TEDC2: variants seen among roughly 807,000 people sequenced by gnomAD.
TEDC2 encodes tubulin epsilon and delta complex protein 2.
A neutral mutation model predicts 48.1 loss-of-function variants in TEDC2; 49 were observed. The ratio of observed to expected loss-of-function variants is 1.02; its 90% CI spans 0.81 to 1.29. The LOEUF is 1.29. Among genes scored for constraint, TEDC2 ranks in the 50% most tolerant of loss-of-function variants. The pLI is 0.00. For synonymous variants in TEDC2, 299 were observed against 247.1 expected, an observed-to-expected ratio of 1.21 and a Z score of -1.97; for missense variants, 631 against 571.4, an observed-to-expected ratio of 1.10 and a Z score of -1.06.
chr16:2,461,825 C>G (rs754117078), intron 5 of TEDC2, 25 bp downstream of exon 5: 1 of 1,613,202 alleles, frequency 6.2e-7, no homozygotes, highest in South Asian at 1.1e-5. Flanking sequence ...TTTGGCTGGA[C>G]GGGGGTAGGG....
chr16:2,461,557 T>A (rs1254903201), intron 4 of TEDC2, 190 bp from the exon 5 acceptor site: 2 of 679,854 alleles, frequency 2.9e-6, no homozygotes, highest in Non-Finnish European at 4.9e-6. Context: ...TTCTCTCTAA[T>A]GGGGCAGCAC....
chr16:2,462,319 G>A (rs2065471793), intron 6 of TEDC2, 80 bp downstream of exon 6: 3 of 1,601,996 alleles, frequency 1.9e-6, no homozygotes, highest in East Asian at 2.2e-5. Flanking sequence ...CCCAGGAGGG[G>A]CTGGCGTGGG....
At chr16:2,461,950 C>A in intron 5 of TEDC2, 150 bp downstream of exon 5, 3 of 1,190,782 alleles carry the variant, frequency 2.5e-6, no homozygotes, top group Non-Finnish European at 2.4e-6. Context: ...GCCAGCCGGT[C>A]AGCTTTGTCC....
rs1396071823 is a variant in TEDC2 at position 2,460,269 on chromosome 16, G to A, written c.27-14G>A. Reference sequence around the variant, plus strand: ...ACGCTGGCCGAGGTGCTGAGCCGCCGGTGCGTCCCCCAGGCTGGTGGCCGA... The same window carrying A: ...ACGCTGGCCGAGGTGCTGAGCCGCCAGTGCGTCCCCCAGGCTGGTGGCCGA... On this transcript the variant is annotated splice_polypyrimidine_tract_variant and intron_variant, in intron 1 of 9. Coordinates refer to ENST00000361837, the MANE Select transcript of TEDC2 (RefSeq NM_025108.3). 2.0e-6 allele frequency: 3 copies of A among 1,517,986 alleles called. No individual in the cohort carries two copies. The highest frequency in any genetic ancestry group is 2.6e-6 in the Non-Finnish European group (3 of 1,139,320). The allele number at this position is 1,517,986 out of a possible 1,614,324, so 94.0% of individuals were successfully genotyped here.
rs537452882 is a variant in TEDC2 at position 2,460,908 on chromosome 16, G to A, written c.289G>A (p.Ala97Thr). The part of the protein sequence containing the change: ...AVRVRRGITK[A>T]GERDKAPSLK... ...ACGAGTTCGAAGAGGCATCACTAAG[G>A]CCGGAGAGAGAGACAAGGCCCCCAG... The change falls in exon 4 of 10, where the codon GCC (alanine) becomes ACC (threonine). Residue 97 changes from alanine (A) to threonine (T), a missense_variant. Coordinates refer to ENST00000361837, the MANE Select transcript of TEDC2 (RefSeq NM_025108.3). 1 of 1,613,606 alleles carries A rather than the reference G, an allele frequency of 6.2e-7. No homozygotes were observed. Among genetic ancestry groups the A allele is most frequent in the South Asian group, 1.1e-5 (1 of 91,088 alleles).
intron 4 of TEDC2, chr16:2,461,464 C>G: frequency 1.5e-6 from 1 of 662,624 alleles, no homozygotes; most frequent in Admixed American, 3.2e-5. Context: ...TGGCTGTCCC[C>G]TTATTTGCCC....
In TEDC2 at chr16:2,460,187, A is replaced by C. The variant is rs1269389768; in HGVS notation, c.26+17A>C. ...CTCGCGCCGGTGAGGCCTGCGCGGC[A>C]GGAGGGGGTGGGAGGATGCGGGCGG... On this transcript the variant is annotated intron_variant, in intron 1 of 9. Transcript: ENST00000361837. The C allele has an allele frequency of 3.4e-6, 3 of 894,244 alleles. No individual in the cohort carries two copies. Among genetic ancestry groups the C allele is most frequent in the South Asian group, 1.8e-5 (1 of 54,282 alleles). The allele number at this position is 894,244 out of a possible 1,614,324, so 55.4% of individuals were successfully genotyped here. A position where few individuals can be genotyped will look rare whatever the true frequency, so the allele number is the denominator to read the frequency against.
Position 2,460,615 on chromosome 16 carries a change from C to G in TEDC2, c.126-8C>G. 6.2e-7 allele frequency: 1 copy of G among 1,612,810 alleles called. No individual in the cohort carries two copies. Among genetic ancestry groups the G allele is most frequent in the Admixed American group, 1.7e-5 (1 of 60,014 alleles). On this transcript the variant is annotated splice_polypyrimidine_tract_variant and splice_region_variant and intron_variant, in intron 2 of 9. Transcript: ENST00000361837. ...CTGGCCGTGCGACGGCTGCCCGTGT[C>G]TTTGCAGGGAACCAACTGGGACCCG... is the stretch of plus-strand genomic sequence containing the variant.
Position 2,464,847 on chromosome 16 carries a change from C to T in TEDC2, c.*179C>T, listed in dbSNP as rs2065490802. ...CTGCTGGTCAGGGCTGGCTTTCAGC[C>T]TTCCTAAGGCTCCTGGACTCCAGAG... is the stretch of plus-strand genomic sequence containing the variant. On this transcript the variant is annotated 3_prime_UTR_variant, in exon 10 of 10. Coordinates refer to ENST00000361837, the MANE Select transcript of TEDC2 (RefSeq NM_025108.3). The T allele has an allele frequency of 2.4e-6, 2 of 843,878 alleles. No homozygotes were observed. The highest frequency in any genetic ancestry group is 5.8e-5 in the Admixed American group (2 of 34,776). 52.3% of individuals were successfully genotyped at this position (843,878 alleles called of 1,614,324 possible). A position where few individuals can be genotyped will look rare whatever the true frequency, so the allele number is the denominator to read the frequency against.
rs1298742280 is a variant in TEDC2 at position 2,464,751 on chromosome 16, C to T, written c.*83C>T. 6.5e-7 allele frequency: 1 copy of T among 1,548,038 alleles called. No homozygotes were observed. The highest frequency in any genetic ancestry group is 1.4e-5 in the African/African-American group (1 of 73,460). ...CACTGTGCTCGGGGACCCAGAGATG[C>T]CTGTGCTTCCCTGGGAAACCTGGTG... On this transcript the variant is annotated 3_prime_UTR_variant, in exon 10 of 10. Coordinates refer to ENST00000361837, the MANE Select transcript of TEDC2 (RefSeq NM_025108.3).
intron 8 of TEDC2, 89 bp downstream of exon 8, chr16:2,462,821 G>T (rs1015039148): frequency 2.4e-6 from 3 of 1,264,522 alleles, no homozygotes; most frequent in Non-Finnish European, 2.1e-6. Flanking sequence ...CCTCAGGGAA[G>T]GGTGAGCAGC....
intron 2 of TEDC2, 77 bp from the exon 3 acceptor site, chr16:2,460,546 G>A: frequency 6.4e-7 from 1 of 1,572,622 alleles, no homozygotes; most frequent in Non-Finnish European, 8.6e-7. Context: ...CCTGCCGCGG[G>A]GCCCGGCGGC....
Position 2,464,790 on chromosome 16 carries a change from G to A in TEDC2, c.*122G>A. 2.2e-6 allele frequency: 3 copies of A among 1,336,118 alleles called. No homozygotes were observed. The highest frequency in any genetic ancestry group is 1.3e-5 in the South Asian group (1 of 74,340). The allele number at this position is 1,336,118 out of a possible 1,614,324, so 82.8% of individuals were successfully genotyped here. A position where few individuals can be genotyped will look rare whatever the true frequency, so the allele number is the denominator to read the frequency against. ...GGAAACCTGGTGAACTGGACCAGGT[G>A]GCCTCACTGGCTCTTCTCAGGACAA... On this transcript the variant is annotated 3_prime_UTR_variant, in exon 10 of 10. Transcript: ENST00000361837.
chr16:2,462,588 A>C (rs371676809), intron 7 of TEDC2, 43 bp from the exon 8 acceptor site: 1 of 1,543,194 alleles, frequency 6.5e-7, no homozygotes, highest in African/African-American at 1.4e-5. Context: ...GAGGGTTTCC[A>C]GACTGCCACG....
chr16:2,464,658 C>T lies in TEDC2; in HGVS notation c.1292C>T (p.Pro431Leu), dbSNP rs1229212130. 3.6e-5 allele frequency: 58 copies of T among 1,612,974 alleles called. No individual in the cohort carries two copies. Among genetic ancestry groups the T allele is most frequent in the Non-Finnish European group, 4.9e-5 (58 of 1,179,982 alleles). The stretch of plus-strand genomic sequence containing the variant: ...GTCCTTACCATCCTGCGGGATGAAC[C>T]TGCAGTCTGAGCCTTTCCCATGCTG... ...ARVLTILRDE[P>L]AV The change falls in exon 10 of 10, where the codon CCT (proline) becomes CTT (leucine). Residue 431 changes from proline to leucine, a missense_variant. Coordinates refer to ENST00000361837, the MANE Select transcript of TEDC2 (RefSeq NM_025108.3).
chr16:2,461,047 G>A lies in TEDC2; in HGVS notation c.428G>A (p.Arg143His), dbSNP rs748583165. 1.8e-5 allele frequency: 29 copies of A among 1,607,788 alleles called. No individual in the cohort carries two copies. The highest frequency in any genetic ancestry group is 4.5e-5 in the East Asian group (2 of 44,756). ...ASDTRPTKGL[R>H]QTTVPAKGHP... ...GACACGAGACCCACCAAGGGCCTCC[G>A]CCAGACCACGGTGCCTGCCAAGGGC... The change falls in exon 4 of 10, where the codon CGC becomes CAC. Residue 143 changes from arginine to histidine, a missense_variant. Physicochemically the swap from Arg to His is conservative, Grantham distance 29 (BLOSUM62 0). Coordinates refer to ENST00000361837, the MANE Select transcript of TEDC2 (RefSeq NM_025108.3).
chr16:2,464,319 C>A (rs535399853), intron 9 of TEDC2, 90 bp downstream of exon 9: 14 of 1,479,970 alleles, frequency 9.5e-6, no homozygotes, highest in African/African-American at 5.6e-5. Flanking sequence ...CCCCCCAGGA[C>A]CCAGGAGGAT....
At chr16:2,462,909 G>A (rs1360966594) in intron 8 of TEDC2, among the ~76,000 whole-genome samples, 177 bp downstream of exon 8, 1 of 152,172 alleles carries the variant, frequency 6.6e-6, no homozygotes, top group African/African-American at 2.4e-5. Flanking sequence ...CTCACCAGTC[G>A]TCCTATGGGA....
At position 2,460,178 on chromosome 16, in the gene TEDC2, C is replaced by G. The variant is rs2065455907; in HGVS notation, c.26+8C>G. On this transcript the variant is annotated splice_region_variant and intron_variant, in intron 1 of 9. Transcript: ENST00000361837. ...GGCGGGCTGCTCGCGCCGGTGAGGC[C>G]TGCGCGGCAGGAGGGGGTGGGAGGA... The G allele has an allele frequency of 5.8e-6, 8 of 1,380,474 alleles. No homozygotes were observed. The South Asian group carries it at 1.3e-4, about 22-fold the overall frequency. 85.5% of individuals were successfully genotyped at this position (1,380,474 alleles called of 1,614,324 possible).
Sources: allele counts gnomAD v4.1 joint callset (sites outside exome capture counted in the v4.1 genomes callset), GRCh38; gene constraint gnomAD v4.1.1; transcripts MANE v1.5; gene names NCBI Gene and HGNC (gene_info 2026-07-23, HGNC 2026-07-21).